CLASP1: variants seen among roughly 807,000 people sequenced by gnomAD.
The protein encoded by CLASP1 is cytoplasmic linker associated protein 1, also known as CLIP-associating protein 1.
CLASP1 carries 38 observed loss-of-function variants against 192.3 expected under a neutral mutation model. That is an observed-to-expected ratio of 0.20 (90% CI 0.15 to 0.26). The LOEUF (loss-of-function observed/expected upper bound fraction) is 0.26. Among genes scored for constraint, CLASP1 ranks in the 10% least tolerant of loss-of-function variants. The pLI is 1.00. For missense variants in CLASP1, 1,433 were observed against 1,932.5 expected (o/e 0.74, Z 4.85); for synonymous variants, 691 against 712.8 (o/e 0.97, Z 0.49).
intron 19 of CLASP1, among the ~76,000 whole-genome samples, chr2:121,430,975 T>TTAA (rs1553518663): frequency 6.9e-6 from 1 of 144,222 alleles, no homozygotes; most frequent in East Asian, 2.0e-4. Context: ...CGATTAAACT[T>TTAA]TAAAAAAAAA....
intron 8 of CLASP1, among the ~76,000 whole-genome samples, chr2:121,478,640 CACA>C (rs2091966225): frequency 1.7e-5 from 2 of 117,554 alleles, no homozygotes; most frequent in African/African-American, 4.2e-5. Flanking sequence ...TACACACACA[CACA>C]CCCCCCACAC....
chr2:121,466,401 G>A (rs6735137), intron 9 of CLASP1, among the ~76,000 whole-genome samples: 6,022 of 152,166 alleles, frequency 0.04, 159 homozygotes, highest in East Asian at 0.14. Context: ...CAATATTCTA[G>A]GGCCGGTTCA....
At chr2:121,541,589 G>C (rs1274407060) in intron 2 of CLASP1, among the ~76,000 whole-genome samples, 1 of 151,962 alleles carries the variant, frequency 6.6e-6, no homozygotes, top group East Asian at 1.9e-4. Flanking sequence ...GCTAGCTTAA[G>C]ACCTTCTCTG....
At chr2:121,482,622 G>A (rs2092681109) in intron 8 of CLASP1, among the ~76,000 whole-genome samples, 1 of 152,136 alleles carries the variant, frequency 6.6e-6, no homozygotes, top group Admixed American at 6.5e-5. Context: ...ACCCTAGGGG[G>A]TGAATTAGGG....
intron 23 of CLASP1, among the ~76,000 whole-genome samples, chr2:121,414,854 G>T (rs1256765307): frequency 2.0e-5 from 3 of 152,098 alleles, no homozygotes. Context: ...CACAATAATG[G>T]CTCTCTGCAG....
At chr2:121,631,753 A>T (rs2069700921) in intron 1 of CLASP1, among the ~76,000 whole-genome samples, 1 of 152,050 alleles carries the variant, frequency 6.6e-6, no homozygotes. Context: ...TCTACAAAAA[A>T]TACAAAAATC....
At chr2:121,389,126 T>C (rs1321350479) in intron 30 of CLASP1, among the ~76,000 whole-genome samples, 1 of 152,180 alleles carries the variant, frequency 6.6e-6, no homozygotes, top group Non-Finnish European at 1.5e-5. Context: ...TTTAAAAATA[T>C]AATCAAAAGT....
At chr2:121,605,135 C>T (rs2064267392) in intron 2 of CLASP1, among the ~76,000 whole-genome samples, 1 of 149,030 alleles carries the variant, frequency 6.7e-6, no homozygotes. Flanking sequence ...CCCACCCCCA[C>T]TCCCTACCAA....
intron 37 of CLASP1, among the ~76,000 whole-genome samples, chr2:121,357,137 C>A (rs1425986521): frequency 6.6e-6 from 1 of 152,142 alleles, no homozygotes; most frequent in African/African-American, 2.4e-5. Flanking sequence ...GGATTCCAAA[C>A]AAAGCAGTAG....
At chr2:121,529,131 C>T (rs1170138008) in intron 3 of CLASP1, among the ~76,000 whole-genome samples, 1 of 152,164 alleles carries the variant, frequency 6.6e-6, no homozygotes, top group Non-Finnish European at 1.5e-5. Flanking sequence ...GAGAGGGGCT[C>T]CAGTATATGT....
chr2:121,511,721 A>G (rs2094141763), intron 7 of CLASP1, among the ~76,000 whole-genome samples: 1 of 152,238 alleles, frequency 6.6e-6, no homozygotes, highest in African/African-American at 2.4e-5. Flanking sequence ...AAATAACAAA[A>G]GGATCAATAA....
chr2:121,406,531 T>C (rs60734299), intron 25 of CLASP1, among the ~76,000 whole-genome samples: 6,049 of 152,294 alleles, frequency 0.04, 163 homozygotes, highest in East Asian at 0.14. Flanking sequence ...ATTTCTCAAA[T>C]AACATCTACT....
intron 6 of CLASP1, among the ~76,000 whole-genome samples, chr2:121,517,567 A>G (rs1392151958): frequency 6.6e-6 from 1 of 152,192 alleles, no homozygotes; most frequent in Non-Finnish European, 1.5e-5. Flanking sequence ...TAAGGATGCA[A>G]TTAAGGGCCG....
intron 1 of CLASP1, among the ~76,000 whole-genome samples, chr2:121,622,734 G>A (rs937861583): frequency 3.3e-5 from 5 of 151,890 alleles, no homozygotes; most frequent in East Asian, 1.9e-4. Context: ...TATTGATCCC[G>A]TATTCTGCAA....
At chr2:121,539,113 C>T (rs1397468258) in intron 2 of CLASP1, among the ~76,000 whole-genome samples, 1 of 152,166 alleles carries the variant, frequency 6.6e-6, no homozygotes, top group African/African-American at 2.4e-5. Flanking sequence ...CATTCAATAA[C>T]ATTCCACTAA....
intron 1 of CLASP1, among the ~76,000 whole-genome samples, chr2:121,640,325 G>T (rs1203192554): frequency 6.6e-6 from 1 of 152,076 alleles, no homozygotes; most frequent in Non-Finnish European, 1.5e-5. Context: ...ACTATGTAAC[G>T]AGCCTGCACG....
At chr2:121,363,251 T>C in exon 37 of CLASP1, 1 of 1,613,900 alleles carries the variant, frequency 6.2e-7, no homozygotes, top group Non-Finnish European at 8.5e-7. Context: ...TGCTGGTTGA[T>C]TTCTCAGAAT....
chr2:121,381,581 T>C (rs934892333), intron 33 of CLASP1, among the ~76,000 whole-genome samples: 42 of 152,192 alleles, frequency 2.8e-4, no homozygotes, highest in African/African-American at 9.2e-4. Flanking sequence ...CCAGTGTCCA[T>C]GATGCCGCAT....
intron 26 of CLASP1, chr2:121,402,794 A>G: frequency 2.5e-6 from 1 of 392,946 alleles, no homozygotes; most frequent in South Asian, 2.0e-5. Context: ...TTAGAGAAAA[A>G]TCTTGATAAA....
Sources: allele counts gnomAD v4.1 joint callset (sites outside exome capture counted in the v4.1 genomes callset), GRCh38; gene constraint gnomAD v4.1.1; transcripts MANE v1.5; gene names NCBI Gene and HGNC (gene_info 2026-07-23, HGNC 2026-07-21).